Variants in CCDC91 observed in about 807,000 individuals in gnomAD.
CCDC91 encodes coiled-coil domain-containing protein 91.
In CCDC91, 48 loss-of-function variants were observed where a neutral mutation model predicts 63.2. That is an observed-to-expected ratio of 0.76 (90% CI 0.60 to 0.97). The LOEUF (loss-of-function observed/expected upper bound fraction) is 0.97. Among genes scored for constraint, CCDC91 ranks in the 50% least tolerant of loss-of-function variants. The pLI is 0.00. For missense variants in CCDC91, 500 were observed against 494.6 expected (o/e 1.01, Z -0.10); for synonymous variants, 167 against 165.8 (o/e 1.01, Z -0.06).
At chr12:28,418,999 G>A (rs1947845168) in intron 8 of CCDC91, among the ~76,000 whole-genome samples, 1 of 152,098 alleles carries the variant, frequency 6.6e-6, no homozygotes, top group Admixed American at 6.6e-5. Flanking sequence ...TTGTCAAAAT[G>A]CTTATGTACA....
chr12:28,312,928 CCT>C (rs1224785631), intron 6 of CCDC91, among the ~76,000 whole-genome samples: 1 of 152,006 alleles, frequency 6.6e-6, no homozygotes, highest in Admixed American at 6.6e-5. Context: ...ATCCATTAAA[CCT>C]CTTTCTTTTA....
At chr12:28,361,576 A>ATT (rs146038101) in intron 6 of CCDC91, among the ~76,000 whole-genome samples, 3 of 150,624 alleles carry the variant, frequency 2.0e-5, no homozygotes, top group Non-Finnish European at 3.0e-5. Context: ...TGTAGTCTTT[A>ATT]TTTTTTTTCA....
At position 28,468,516 on chromosome 12, in the gene CCDC91, A is replaced by G. The variant is rs549552026; in HGVS notation, c.1102-15536A>G. On this transcript the variant is annotated intron_variant, in intron 11 of 12. Coordinates refer to ENST00000536442, the MANE Select transcript of CCDC91 (RefSeq NM_018318.5). Reference sequence around the variant, plus strand: ...CACTGCTGAATTTCACCAAACATTTAAATCAGAACTAATACCAATCCTTCT... The same window carrying G: ...CACTGCTGAATTTCACCAAACATTTGAATCAGAACTAATACCAATCCTTCT... 2.0e-5 allele frequency among the ~76,000 whole-genome samples: 3 copies of G among 152,154 alleles called. No individual in the cohort carries two copies. The East Asian group carries it at 5.8e-4, about 29-fold the overall frequency.
chr12:28,229,881 C>T (rs1207163148), intron 1 of CCDC91, among the ~76,000 whole-genome samples: 1 of 152,090 alleles, frequency 6.6e-6, no homozygotes, highest in Non-Finnish European at 1.5e-5. Context: ...TTAAGAGATG[C>T]TACTTATTAT....
intron 3 of CCDC91, among the ~76,000 whole-genome samples, chr12:28,270,171 C>A (rs1250953630): frequency 6.6e-6 from 1 of 151,810 alleles, no homozygotes; most frequent in East Asian, 1.9e-4. Context: ...TTGTGGACCT[C>A]CTCAGATAGA....
chr12:28,354,552 T>A (rs1325298703), intron 6 of CCDC91, among the ~76,000 whole-genome samples: 1 of 152,154 alleles, frequency 6.6e-6, no homozygotes, highest in Non-Finnish European at 1.5e-5. Context: ...TTTTAGTATA[T>A]TTAAATATAT....
chr12:28,236,640 T>A (rs1179414368), intron 1 of CCDC91: 1 of 152,082 alleles, frequency 6.6e-6, no homozygotes, highest in Admixed American at 6.6e-5. Context: ...TGGTGAAATA[T>A]GTCACTTTTT....
At chr12:28,371,459 C>T (rs557556000) in intron 7 of CCDC91, among the ~76,000 whole-genome samples, 1 of 152,156 alleles carries the variant, frequency 6.6e-6, no homozygotes, top group Non-Finnish European at 1.5e-5. Flanking sequence ...ATACCGTTTC[C>T]TGGTGCCAAA....
intron 8 of CCDC91, among the ~76,000 whole-genome samples, chr12:28,439,075 A>C (rs1001727319): frequency 1.3e-5 from 2 of 151,966 alleles, no homozygotes; most frequent in Non-Finnish European, 1.5e-5. Context: ...ATTCCTAATC[A>C]CTCCCTTAAG....
chr12:28,290,506 C>G (rs992846212), intron 3 of CCDC91, among the ~76,000 whole-genome samples: 1 of 152,174 alleles, frequency 6.6e-6, no homozygotes, highest in Admixed American at 6.5e-5. Flanking sequence ...CATTTACATT[C>G]AAGCTTAGTA....
At chr12:28,416,015 A>G (rs1199072507) in intron 8 of CCDC91, among the ~76,000 whole-genome samples, 1 of 151,080 alleles carries the variant, frequency 6.6e-6, no homozygotes, top group Non-Finnish European at 1.5e-5. Flanking sequence ...GAGGTAATTT[A>G]TCATGAAGGA....
intron 6 of CCDC91, among the ~76,000 whole-genome samples, chr12:28,329,249 A>C (rs1941285876): frequency 6.6e-6 from 1 of 152,132 alleles, no homozygotes; most frequent in African/African-American, 2.4e-5. Context: ...TTTGGGTTGG[A>C]TTTTAAAGTC....
chr12:28,209,483 C>T (rs11513465), intron 1 of CCDC91, among the ~76,000 whole-genome samples: 39,623 of 151,840 alleles, frequency 0.26, 5,425 homozygotes, highest in Non-Finnish European at 0.31. Flanking sequence ...TTCACTCTTT[C>T]GCCCGTGGTG....
intron 1 of CCDC91, among the ~76,000 whole-genome samples, chr12:28,204,900 G>A (rs983599519): frequency 1.3e-5 from 2 of 152,144 alleles, no homozygotes; most frequent in African/African-American, 4.8e-5. Context: ...TAGGAATTTA[G>A]TAAATAAAAC....
rs567436807 is a variant in CCDC91, at chr12:28,303,673, T to C, written c.110-1976T>C. ...TGATAATCTTTGAAATAATAAAATATCAACACTTTACTAAATGCTTTACAT... is the reference window on the plus strand; with the variant it reads ...TGATAATCTTTGAAATAATAAAATACCAACACTTTACTAAATGCTTTACAT... On this transcript the variant is annotated intron_variant, in intron 3 of 12. Transcript: ENST00000536442. Among the ~76,000 whole-genome samples the C allele has an allele frequency of 2.0e-4, 31 of 152,258 alleles. 1 individual carries two copies. Among genetic ancestry groups the C allele is most frequent in the Admixed American group, 2.0e-4 (3 of 15,276 alleles).
At chr12:28,292,617 G>A (rs1949319972) in intron 3 of CCDC91, among the ~76,000 whole-genome samples, 1 of 150,928 alleles carries the variant, frequency 6.6e-6, no homozygotes, top group Non-Finnish European at 1.5e-5. Flanking sequence ...TTGGTGTGAT[G>A]ACTAAGTTTT....
intron 6 of CCDC91, among the ~76,000 whole-genome samples, chr12:28,313,411 A>G (rs1939520495): frequency 6.6e-6 from 1 of 152,088 alleles, no homozygotes; most frequent in African/African-American, 2.4e-5. Flanking sequence ...TGAAAATTCT[A>G]AATATTTTCA....
rs1444888746 is a variant in CCDC91 at position 28,452,381 on chromosome 12, G to A, written c.925-97G>A. Reference sequence around the variant, plus strand: ...GCAATGTTAGAACTAAACACTATAGGATCAAAGTTTTTTATCTTTTAGGTT... The same window carrying A: ...GCAATGTTAGAACTAAACACTATAGAATCAAAGTTTTTTATCTTTTAGGTT... On this transcript the variant is annotated intron_variant, in intron 10 of 12. Transcript: ENST00000536442. 3.8e-6 allele frequency: 3 copies of A among 792,598 alleles called. 1 individual carries two copies. In the East Asian group the frequency reaches 7.9e-5, roughly 21 times the overall value. 49.1% of individuals were successfully genotyped at this position (792,598 alleles called of 1,614,324 possible).
intron 8 of CCDC91, among the ~76,000 whole-genome samples, chr12:28,428,783 TTCTC>T (rs1270745429): frequency 6.6e-6 from 1 of 152,054 alleles, no homozygotes; most frequent in Non-Finnish European, 1.5e-5. Flanking sequence ...ATGATAATCT[TTCTC>T]AATATGTTAC....
Sources: gnomAD v4.1 joint callset for allele counts (sites outside exome capture counted in the v4.1 genomes callset) on GRCh38, gnomAD v4.1.1 for gene constraint, MANE v1.5 for transcripts, NCBI Gene and HGNC (gene_info 2026-07-23, HGNC 2026-07-21) for gene names.